Variants in DDR1 observed in about 807,000 individuals in gnomAD.
The protein encoded by DDR1 is epithelial discoidin domain-containing receptor 1.
Under a neutral mutation model 97.4 loss-of-function variants are expected in DDR1, and 64 were observed. That is an observed-to-expected ratio of 0.66 (90% CI 0.54 to 0.81). The LOEUF is 0.81. Ranked by LOEUF, DDR1 falls within the 30% of genes least tolerant of loss-of-function variation. DDR1 has a pLI of 0.00. For missense variants in DDR1, 990 were observed against 1,259.6 expected (o/e 0.79, Z 3.24); for synonymous variants, 458 against 503.7 (o/e 0.91, Z 1.21).
intron 10 of DDR1, among the ~76,000 whole-genome samples, chr6:30,893,887 G>T (rs909506760): frequency 6.6e-6 from 1 of 152,178 alleles, no homozygotes; most frequent in Non-Finnish European, 1.5e-5. Context: ...GGGTTGGAGG[G>T]GCAAAGGGAA....
rs372104138 is a variant in DDR1 at position 30,896,739 on chromosome 6, C to G, written c.1743C>G (p.Thr581=). The change falls in exon 13 of 18, where the codon ACC becomes ACG. Residue 581 remains threonine (T), a synonymous_variant. Transcript: ENST00000376568. ...ACATTGTTACCCTGCAGGGCGTCAC[C>G]GGGGGCAACACCTATGCTGTGCCTG... The part of the protein sequence containing the change: ...EADIVTLQGV[T]GGNTYAVPAL... The G allele has an allele frequency of 6.3e-7, 1 of 1,596,282 alleles. No individual in the cohort carries two copies. Among genetic ancestry groups the G allele is most frequent in the Admixed American group, 1.7e-5 (1 of 58,116 alleles).
intron 10 of DDR1, among the ~76,000 whole-genome samples, chr6:30,893,719 ACCCCTCAGGGAGGG>A (rs1473267875): frequency 6.6e-6 from 1 of 151,956 alleles, no homozygotes; most frequent in African/African-American, 2.4e-5. Flanking sequence ...GCCCGTATCT[ACCCCTCAGGGAGGG>A]CCTGGGAGAA....
chr6:30,895,350 C>A, intron 11 of DDR1, 54 bp from the exon 12 acceptor site: 1 of 1,385,714 alleles, frequency 7.2e-7, no homozygotes, highest in Non-Finnish European at 1.0e-6. Context: ...CCCTGTCTGT[C>A]TAGCCTTGAG....
chr6:30,885,549 A>C (rs2150233054), intron 1 of DDR1: 396 of 1,249,176 alleles, frequency 3.2e-4, no homozygotes, highest in Non-Finnish European at 3.9e-4. Flanking sequence ...TCCTGTGCCC[A>C]AGGGCCCGGG....
chr6:30,898,385 A>G, intron 16 of DDR1, 78 bp downstream of exon 16: 3 of 1,045,228 alleles, frequency 2.9e-6, no homozygotes, highest in African/African-American at 1.6e-5. Context: ...CCTGGTCTCC[A>G]TCAGTCACAC....
At chr6:30,892,618 A>G in intron 8 of DDR1, 76 bp downstream of exon 8, 1 of 1,487,170 alleles carries the variant, frequency 6.7e-7, no homozygotes, top group Non-Finnish European at 8.9e-7. Flanking sequence ...CAGTGTCCCT[A>G]AAATACTCAT....
Position 30,898,162 on chromosome 6 carries a change from C to T in DDR1, c.2306C>T (p.Thr769Met), listed in dbSNP as rs1316690686. The change falls in exon 16 of 18, where the codon ACG becomes ATG. Residue 769 changes from threonine to methionine, a missense_variant. Transcript: ENST00000376568. ...AACTTTGTACATCGGGACCTGGCCA[C>T]GCGGAACTGCCTAGTTGGGGAAAAT... ...TLNFVHRDLA[T>M]RNCLVGENFT... is the part of the protein sequence containing the mutation. 9.3e-6 allele frequency: 15 copies of T among 1,614,124 alleles called. No homozygotes were observed. The highest frequency in any genetic ancestry group is 1.3e-5 in the African/African-American group (1 of 74,946).
At position 30,890,417 on chromosome 6, in the gene DDR1, C is replaced by T. The variant is rs1211459632; in HGVS notation, c.418-556C>T. On this transcript the variant is annotated intron_variant, in intron 4 of 17. Coordinates refer to ENST00000376568, the MANE Select transcript of DDR1 (RefSeq NM_001297654.2). The surrounding 1 kb of genome is among the most constrained non-coding windows in gnomAD (Gnocchi z 5.0). ...TCCCTCACTCCATTCAGTTCTCTGCCAGGTGTCACCTCCTTAGAGAGCCTT... is the reference window on the plus strand; with the variant it reads ...TCCCTCACTCCATTCAGTTCTCTGCTAGGTGTCACCTCCTTAGAGAGCCTT... 1 of 152,610 alleles carries T rather than the reference C, an allele frequency of 6.6e-6. No homozygotes were observed. Among genetic ancestry groups the T allele is most frequent in the African/African-American group, 2.4e-5 (1 of 41,446 alleles). The allele number at this position is 152,610 out of a possible 1,614,324, so 9.5% of individuals were successfully genotyped here.
Position 30,889,170 on chromosome 6 carries a change from C to G in DDR1, c.189-32C>G. The G allele has an allele frequency of 6.2e-7, 1 of 1,603,170 alleles. No individual in the cohort carries two copies. Among genetic ancestry groups the G allele is most frequent in the Non-Finnish European group, 8.5e-7 (1 of 1,171,192 alleles). Reference sequence around the variant, plus strand: ...CTGGAGATGGAGGCAGACCTGGGGCCAGATGTTCTCTGTGCCCCTCTTCAC... The same window carrying G: ...CTGGAGATGGAGGCAGACCTGGGGCGAGATGTTCTCTGTGCCCCTCTTCAC... On this transcript the variant is annotated intron_variant, in intron 3 of 17. Coordinates refer to ENST00000376568, the MANE Select transcript of DDR1 (RefSeq NM_001297654.2). This position sits in a 1 kb window ranked among gnomAD's most constrained non-coding sequence, Gnocchi z 4.9.
At position 30,886,459 on chromosome 6, in the gene DDR1, C is replaced by T. The variant is rs1412507439; in HGVS notation, c.-43+1749C>T. ...TGAGTGCCCCCCACAACTCAGTCGT[C>T]CCCCTCAGCTGCTGCTTCAGAGCTC... is the stretch of plus-strand genomic sequence containing the variant. On this transcript the variant is annotated intron_variant, in intron 1 of 17. Coordinates refer to ENST00000376568, the MANE Select transcript of DDR1 (RefSeq NM_001297654.2). This position sits in a 1 kb window ranked among gnomAD's most constrained non-coding sequence, Gnocchi z 4.6. Among the ~76,000 whole-genome samples the T allele has an allele frequency of 6.6e-6, 1 of 152,194 alleles. No homozygotes were observed. Among genetic ancestry groups the T allele is most frequent in the Non-Finnish European group, 1.5e-5 (1 of 68,028 alleles).
rs756281099 is a variant in DDR1 at position 30,892,385 on chromosome 6, G to T, written c.942G>T (p.Glu314Asp). ...RFRRGPAMAW[E>D]GEPMRHNLGG... The stretch of plus-strand genomic sequence containing the variant: ...GGCGTGGCCCTGCCATGGCCTGGGA[G>T]GGGGAGCCCATGCGCCACAACCTAG... The change falls in exon 8 of 18, where the codon GAG becomes GAT. Residue 314 changes from glutamate (E) to aspartate (D), a missense_variant. Coordinates refer to ENST00000376568, the MANE Select transcript of DDR1 (RefSeq NM_001297654.2). 7 of 1,593,302 alleles carry T rather than the reference G, an allele frequency of 4.4e-6. No homozygotes were observed. Among genetic ancestry groups the T allele is most frequent in the East Asian group, 2.2e-5 (1 of 44,678 alleles).
At position 30,893,123 on chromosome 6, in the gene DDR1, G is replaced by A. The variant is rs1318470647; in HGVS notation, c.1155G>A (p.Trp385Ter). Reference sequence around the variant, plus strand: ...GAGGCACCTTCCCGCCAGCCCCCTGGTGGCCGCCTGGCCCACCTCCCACCA... The same window carrying A: ...GAGGCACCTTCCCGCCAGCCCCCTGATGGCCGCCTGGCCCACCTCCCACCA... The part of the protein sequence containing the change: ...ALGGTFPPAP[W>*]WPPGPPPTNF... Residue 385 changes from tryptophan (W) to a stop codon, truncating the protein, a stop_gained, in exon 9 of 18, where the codon TGG (tryptophan) becomes TGA (stop). Coordinates refer to ENST00000376568, the MANE Select transcript of DDR1 (RefSeq NM_001297654.2). LOFTEE classifies it high-confidence loss of function. The A allele has an allele frequency of 2.5e-6, 4 of 1,611,104 alleles. No homozygotes were observed. The highest frequency in any genetic ancestry group is 3.4e-6 in the Non-Finnish European group (4 of 1,179,920).
At chr6:30,885,084 ACTGCTAAGCCTCCGCTCAG>A in intron 1 of DDR1, 1 of 991,398 alleles carries the variant, frequency 1.0e-6, no homozygotes, top group Non-Finnish European at 1.5e-6. Context: ...CGGGCATCTA[ACTGCTAAGCCTCCGCTCAG>A]CCAACACCCA....
At chr6:30,885,819 TGTGTGTTTCACC>T (rs1785585623) in intron 1 of DDR1, 2 of 1,289,718 alleles carry the variant, frequency 1.6e-6, no homozygotes, top group South Asian at 2.5e-5. Context: ...TCAGTAAGTT[TGTGTGTTTCACC>T]GTGTGTGTGT....
intron 10 of DDR1, 23 bp downstream of exon 10, chr6:30,893,446 G>A: frequency 6.3e-7 from 1 of 1,591,482 alleles, no homozygotes; most frequent in Middle Eastern, 1.8e-4. Context: ...GTGGCATGTG[G>A]AGTGGCGGGG....
Position 30,891,215 on chromosome 6 carries a change from T to C in DDR1, c.565+95T>C, listed in dbSNP as rs1788042307. 14 of 1,548,126 alleles carry C rather than the reference T, an allele frequency of 9.0e-6. No individual in the cohort carries two copies. Among genetic ancestry groups the C allele is most frequent in the Non-Finnish European group, 1.2e-5 (14 of 1,137,150 alleles). On this transcript the variant is annotated intron_variant, in intron 5 of 17. Transcript: ENST00000376568. The surrounding 1 kb of genome is among the most constrained non-coding windows in gnomAD (Gnocchi z 5.3). ...GGGCATCCAGGATCCCTTCTCCTGC[T>C]GGGAAGCTGTCACTCTGAGGAGGGG...
In DDR1 at chr6:30,897,643, G is replaced by T; in HGVS notation, c.2216+46G>T. On this transcript the variant is annotated intron_variant, in intron 15 of 17. Transcript: ENST00000376568. The surrounding 1 kb of genome is among the most constrained non-coding windows in gnomAD (Gnocchi z 5.2). ...GGCCTTGCTCAGAATTCCCCCAGGG[G>T]ATCTCCTCCTCTCCCCTCGCTTCAG... The T allele has an allele frequency of 6.7e-7, 1 of 1,486,874 alleles. No homozygotes were observed. The highest frequency in any genetic ancestry group is 9.2e-7 in the Non-Finnish European group (1 of 1,084,822). The allele number at this position is 1,486,874 out of a possible 1,614,324, so 92.1% of individuals were successfully genotyped here. A position where few individuals can be genotyped will look rare whatever the true frequency, so the allele number is the denominator to read the frequency against.
rs1382125739 is a variant in DDR1 at position 30,899,395 on chromosome 6, G to A, written c.*99G>A. The A allele has an allele frequency of 6.2e-6, 9 of 1,461,638 alleles. No homozygotes were observed. The highest frequency in any genetic ancestry group is 2.7e-5 in the South Asian group (2 of 74,566). The allele number at this position is 1,461,638 out of a possible 1,614,324, so 90.5% of individuals were successfully genotyped here. On this transcript the variant is annotated 3_prime_UTR_variant, in exon 18 of 18. Transcript: ENST00000376568. ...ATGGCACCTCTGCCCTTCCCCTCCC[G>A]ACAGCCCATCACCTCTAATAGAGGC... is the stretch of plus-strand genomic sequence containing the variant.
intron 10 of DDR1, 128 bp downstream of exon 10, chr6:30,893,551 T>TA: frequency 6.9e-7 from 1 of 1,446,328 alleles, no homozygotes; most frequent in East Asian, 2.5e-5. Flanking sequence ...AGAGACCACT[T>TA]ACACCATGTC....
Sources: gnomAD v4.1 joint callset for allele counts (sites outside exome capture counted in the v4.1 genomes callset) on GRCh38, gnomAD v4.1.1 for gene constraint, Gnocchi (gnomAD v3.1) non-coding constraint, MANE v1.5 for transcripts, NCBI Gene and HGNC (gene_info 2026-07-23, HGNC 2026-07-21) for gene names.